ACSL1: variants seen among roughly 807,000 people sequenced by gnomAD.
ACSL1 encodes the protein long-chain-fatty-acid--CoA ligase 1.
Under a neutral mutation model 98.4 loss-of-function variants are expected in ACSL1, and 41 were observed. That is an observed-to-expected ratio of 0.42 (90% CI 0.32 to 0.54). ACSL1 has a LOEUF of 0.54. Ranked by LOEUF, ACSL1 falls within the 20% of genes least tolerant of loss-of-function variation. The pLI, the probability that ACSL1 is intolerant of heterozygous loss-of-function variation, is 0.13. For missense variants in ACSL1, 734 were observed against 883.1 expected, an observed-to-expected ratio of 0.83 and a Z score of 2.14; for synonymous variants, 316 against 322.7, an observed-to-expected ratio of 0.98 and a Z score of 0.22.
At chr4:184,774,170 G>A (rs3792311) in intron 7 of ACSL1, among the ~76,000 whole-genome samples, 35,827 of 151,966 alleles carry the variant, frequency 0.24, 5,430 homozygotes, top group Non-Finnish European at 0.34. Flanking sequence ...AGCAGCCAAA[G>A]TCTTTACCAT....
chr4:184,817,834 A>G (rs1157032587), intron 1 of ACSL1, among the ~76,000 whole-genome samples: 1 of 152,092 alleles, frequency 6.6e-6, no homozygotes, highest in Non-Finnish European at 1.5e-5. Flanking sequence ...GAGAGGCTTG[A>G]GGCCGAGACC....
chr4:184,804,553 T>C (rs1771087132), intron 1 of ACSL1, among the ~76,000 whole-genome samples: 1 of 148,098 alleles, frequency 6.8e-6, no homozygotes, highest in African/African-American at 2.5e-5. Context: ...TGCACTCCAA[T>C]CTGGGCAACA....
At chr4:184,813,774 A>G (rs1223919704) in intron 1 of ACSL1, 2 of 451,072 alleles carry the variant, frequency 4.4e-6, no homozygotes, top group South Asian at 1.6e-5. Context: ...AGAGAGCACA[A>G]CTGAACAGCA....
At chr4:184,782,865 C>T (rs980491529) in intron 4 of ACSL1, among the ~76,000 whole-genome samples, 1 of 152,160 alleles carries the variant, frequency 6.6e-6, no homozygotes, top group Non-Finnish European at 1.5e-5. Context: ...TGAGAAGAAC[C>T]AACAAGCACT....
Position 184,756,805 on chromosome 4 carries a change from G to A in ACSL1, c.*320C>T, listed in dbSNP as rs1762172016. On this transcript the variant is annotated 3_prime_UTR_variant, in exon 21 of 21. Coordinates refer to ENST00000281455, the MANE Select transcript of ACSL1 (RefSeq NM_001995.5). ...CCTAACCCCTTGATTAGAGAAACAG[G>A]GAGACAGAAGATTTAAAACCCACTT... 2 of 207,600 alleles carry A rather than the reference G, an allele frequency of 9.6e-6. No homozygotes were observed. Among genetic ancestry groups the A allele is most frequent in the East Asian group, 1.1e-4 (1 of 9,102 alleles). The allele number at this position is 207,600 out of a possible 1,614,324, so 12.9% of individuals were successfully genotyped here.
At chr4:184,762,144 C>A (rs574425702) in intron 17 of ACSL1, among the ~76,000 whole-genome samples, 21 of 148,586 alleles carry the variant, frequency 1.4e-4, no homozygotes, top group East Asian at 5.8e-4. Flanking sequence ...AAAAAAAAAA[C>A]CCCAAAAACA....
chr4:184,780,480 C>T (rs1278244461), intron 4 of ACSL1, 47 bp from the exon 5 acceptor site: 3 of 1,461,182 alleles, frequency 2.1e-6, no homozygotes, highest in Non-Finnish European at 2.9e-6. Context: ...GCCCCAACTC[C>T]AGAAACAAAG....
chr4:184,800,077 T>G (rs1579937979), intron 2 of ACSL1, among the ~76,000 whole-genome samples: 1 of 152,218 alleles, frequency 6.6e-6, no homozygotes, highest in Non-Finnish European at 1.5e-5. Context: ...GGACTCAGTT[T>G]TCTTGTGTAT....
intron 3 of ACSL1, among the ~76,000 whole-genome samples, chr4:184,787,212 G>C (rs928238690): frequency 1.3e-5 from 2 of 152,182 alleles, no homozygotes; most frequent in Admixed American, 6.5e-5. Flanking sequence ...ATAGAAAGAG[G>C]GGTGGAGAAA....
chr4:184,786,190 C>T (rs1012641718), intron 3 of ACSL1, among the ~76,000 whole-genome samples: 6 of 152,238 alleles, frequency 3.9e-5, no homozygotes, highest in South Asian at 2.1e-4. Flanking sequence ...ATGTCTGTAT[C>T]GCTCACATTT....
chr4:184,774,954 C>A (rs1765063653), intron 7 of ACSL1, among the ~76,000 whole-genome samples: 1 of 152,132 alleles, frequency 6.6e-6, no homozygotes, highest in African/African-American at 2.4e-5. Flanking sequence ...TTCTATTTGT[C>A]TATTAAAAAT....
chr4:184,821,024 T>C (rs1340088864), intron 1 of ACSL1: 2 of 456,168 alleles, frequency 4.4e-6, no homozygotes, highest in Admixed American at 2.3e-5. Flanking sequence ...TTTGCACCTG[T>C]TCCTTTATCT....
chr4:184,783,783 C>G, intron 4 of ACSL1, 144 bp downstream of exon 4: 1 of 757,666 alleles, frequency 1.3e-6, no homozygotes, highest in Non-Finnish European at 2.3e-6. Context: ...TCAAGTTTCT[C>G]CTTGGATGCC....
chr4:184,763,412 A>G (rs1369466935), intron 15 of ACSL1, among the ~76,000 whole-genome samples, 157 bp from the exon 16 acceptor site: 4 of 152,240 alleles, frequency 2.6e-5, no homozygotes, highest in Non-Finnish European at 4.4e-5. Flanking sequence ...GTATAATTTA[A>G]GAGAGTCTAT....
intron 10 of ACSL1, 149 bp from the exon 11 acceptor site, chr4:184,770,625 G>A: frequency 1.5e-6 from 1 of 647,884 alleles, no homozygotes; most frequent in East Asian, 2.8e-5. Context: ...GTTTATGGGT[G>A]CAGCACACCA....
rs985613628 is a variant in ACSL1, at chr4:184,805,577, A to C, written c.-32-2031T>G. 7.4e-6 allele frequency: 7 copies of C among 944,126 alleles called. No individual in the cohort carries two copies. In the African/African-American group the frequency reaches 1.2e-4, roughly 17 times the overall value. 58.5% of individuals were successfully genotyped at this position (944,126 alleles called of 1,614,324 possible). A position where few individuals can be genotyped will look rare whatever the true frequency, so the allele number is the denominator to read the frequency against. ...CTAGGTGACACCCCACTGCAGACAC[A>C]GAAGAGGGCAATGAGCCTGGAAGTG... On this transcript the variant is annotated intron_variant, in intron 1 of 20. Transcript: ENST00000281455.
At chr4:184,764,004 T>G (rs1305244050) in intron 15 of ACSL1, among the ~76,000 whole-genome samples, 2 of 152,200 alleles carry the variant, frequency 1.3e-5, no homozygotes, top group African/African-American at 4.8e-5. Context: ...CTGCGTTAAT[T>G]CCAGGACAAT....
At chr4:184,769,070 A>AATATATATATATATATATAT (rs34360556) in intron 11 of ACSL1, among the ~76,000 whole-genome samples, 311 of 147,680 alleles carry the variant, frequency 2.1e-3, no homozygotes, top group African/African-American at 3.1e-3. Context: ...CTCTGTCTCA[A>AATATATATATATATATATAT]ATATATATAT....
At chr4:184,790,389 T>G (rs1321402745) in intron 2 of ACSL1, among the ~76,000 whole-genome samples, 1 of 152,242 alleles carries the variant, frequency 6.6e-6, no homozygotes, top group Non-Finnish European at 1.5e-5. Flanking sequence ...CTTATACATT[T>G]ATAGACATTC....
Sources: gnomAD v4.1 joint callset for allele counts (sites outside exome capture counted in the v4.1 genomes callset) on GRCh38, gnomAD v4.1.1 for gene constraint, MANE v1.5 for transcripts, NCBI Gene and HGNC (gene_info 2026-07-23, HGNC 2026-07-21) for gene names.